RAD51B: variants seen among roughly 807,000 people sequenced by gnomAD.
RAD51B encodes the protein DNA repair protein RAD51 homolog 2.
A neutral mutation model predicts 42.2 loss-of-function variants in RAD51B; 38 were observed. That is an observed-to-expected ratio of 0.90 (90% CI 0.70 to 1.18). The LOEUF is 1.18. RAD51B is among the 50% of genes most tolerant of loss of function. The pLI is 0.00. For synonymous variants in RAD51B, 154 were observed against 145.2 expected (o/e 1.06, Z -0.43); for missense variants, 373 against 400.7 (o/e 0.93, Z 0.59).
chr14:68,673,072 T>G (rs2140156108), intron 11 of RAD51B, among the ~76,000 whole-genome samples: 1 of 152,318 alleles, frequency 6.6e-6, no homozygotes, highest in African/African-American at 2.4e-5. Context: ...TTGGTCAAAC[T>G]TAAACATGCA....
At chr14:68,246,891 G>A (rs1362673915) in intron 7 of RAD51B, among the ~76,000 whole-genome samples, 2 of 152,128 alleles carry the variant, frequency 1.3e-5, no homozygotes, top group Non-Finnish European at 2.9e-5. Context: ...GTTTTAGCCC[G>A]CAGTGGTTTC....
At chr14:68,439,578 G>C (rs142790078) in intron 9 of RAD51B, among the ~76,000 whole-genome samples, 60 of 152,180 alleles carry the variant, frequency 3.9e-4, no homozygotes, top group African/African-American at 1.3e-3. Context: ...CATTGTCCCT[G>C]TTCCCCCAAA....
At chr14:68,130,382 G>GA (rs1367209968) in intron 7 of RAD51B, among the ~76,000 whole-genome samples, 1 of 152,190 alleles carries the variant, frequency 6.6e-6, no homozygotes, top group Non-Finnish European at 1.5e-5. Context: ...ATTGGGTTTT[G>GA]AAACTGATTA....
At chr14:68,476,045 GAAAAA>G (rs35479070) in intron 10 of RAD51B, among the ~76,000 whole-genome samples, 1 of 127,688 alleles carries the variant, frequency 7.8e-6, no homozygotes, top group Non-Finnish European at 1.7e-5. Context: ...ATATAAGGCT[GAAAAA>G]AAAAAAAAAA....
At chr14:68,444,977 G>T (rs1409949737) in intron 9 of RAD51B, among the ~76,000 whole-genome samples, 2 of 152,210 alleles carry the variant, frequency 1.3e-5, no homozygotes, top group African/African-American at 4.8e-5. Flanking sequence ...AGTAGACAAA[G>T]CAGCTGTGTG....
intron 7 of RAD51B, among the ~76,000 whole-genome samples, chr14:67,959,907 C>T (rs1223825540): frequency 6.6e-6 from 1 of 152,046 alleles, no homozygotes; most frequent in East Asian, 1.9e-4. Context: ...TGGTGAAACC[C>T]TGTCTCTACT....
chr14:68,407,068 T>G (rs1485219453), intron 8 of RAD51B, among the ~76,000 whole-genome samples: 2 of 152,190 alleles, frequency 1.3e-5, no homozygotes, highest in Non-Finnish European at 2.9e-5. Context: ...TGTTTTACAG[T>G]TAACTTCTTA....
At chr14:68,177,056 G>GC (rs112039766) in intron 7 of RAD51B, among the ~76,000 whole-genome samples, 5 of 152,260 alleles carry the variant, frequency 3.3e-5, no homozygotes, top group African/African-American at 1.2e-4. Context: ...GAGTGTAACT[G>GC]CCAGAATGGG....
At chr14:68,406,707 T>G (rs1473845986) in intron 8 of RAD51B, among the ~76,000 whole-genome samples, 2 of 152,262 alleles carry the variant, frequency 1.3e-5, no homozygotes, top group African/African-American at 4.8e-5. Context: ...TATCACTTTT[T>G]TACTTCATAA....
intron 8 of RAD51B, among the ~76,000 whole-genome samples, chr14:68,366,031 A>G (rs560442566): frequency 6.6e-6 from 1 of 152,090 alleles, no homozygotes; most frequent in East Asian, 1.9e-4. Context: ...TCGCTTTTTG[A>G]TAAATTAAAA....
intron 4 of RAD51B, among the ~76,000 whole-genome samples, chr14:67,855,942 A>G (rs61088082): frequency 0.014 from 2,157 of 152,338 alleles, 31 homozygotes; most frequent in African/African-American, 0.035. Flanking sequence ...TCTAATACAG[A>G]CATTTAGCAT....
At chr14:68,348,832 G>C (rs2082727177) in intron 8 of RAD51B, among the ~76,000 whole-genome samples, 1 of 152,224 alleles carries the variant, frequency 6.6e-6, no homozygotes, top group Non-Finnish European at 1.5e-5. Flanking sequence ...CCGGGAGGCA[G>C]AGCTTTCAGT....
At chr14:68,425,259 A>G (rs1364508784) in intron 9 of RAD51B, among the ~76,000 whole-genome samples, 1 of 152,140 alleles carries the variant, frequency 6.6e-6, no homozygotes, top group East Asian at 1.9e-4. Flanking sequence ...TCATATCCTA[A>G]TAGTCTAATA....
intron 7 of RAD51B, among the ~76,000 whole-genome samples, chr14:68,224,987 G>A (rs989633829): frequency 4.6e-5 from 7 of 151,694 alleles, no homozygotes; most frequent in South Asian, 2.1e-4. Flanking sequence ...CACTGCGCCC[G>A]GCCCAAAAAG....
At chr14:68,356,507 A>G (rs567108524) in intron 8 of RAD51B, among the ~76,000 whole-genome samples, 3 of 151,042 alleles carry the variant, frequency 2.0e-5, no homozygotes, top group Non-Finnish European at 4.4e-5. Context: ...ATATTTTTTA[A>G]AAACAATATA....
intron 7 of RAD51B, among the ~76,000 whole-genome samples, chr14:68,234,756 G>A (rs2080213256): frequency 6.6e-6 from 1 of 152,142 alleles, no homozygotes; most frequent in Non-Finnish European, 1.5e-5. Flanking sequence ...GTAAGTAAAT[G>A]TAAAGGCTTA....
chr14:68,357,560 T>A (rs2082934306), intron 8 of RAD51B, among the ~76,000 whole-genome samples: 1 of 152,098 alleles, frequency 6.6e-6, no homozygotes, highest in Admixed American at 6.6e-5. Flanking sequence ...AATCACTATC[T>A]ATGGCAGCTA....
intron 7 of RAD51B, among the ~76,000 whole-genome samples, chr14:67,961,520 A>T (rs1028459639): frequency 6.6e-6 from 1 of 152,198 alleles, no homozygotes; most frequent in Non-Finnish European, 1.5e-5. Context: ...AACACCATAC[A>T]CATAGCTTGA....
At chr14:68,072,525 C>T (rs1010735636) in intron 7 of RAD51B, among the ~76,000 whole-genome samples, 8 of 152,092 alleles carry the variant, frequency 5.3e-5, no homozygotes, top group African/African-American at 1.9e-4. Context: ...TTAAATGGTG[C>T]CCATGCGATT....
Sources: gnomAD v4.1 joint callset for allele counts (sites outside exome capture counted in the v4.1 genomes callset) on GRCh38, gnomAD v4.1.1 for gene constraint, MANE v1.5 for transcripts, NCBI Gene and HGNC (gene_info 2026-07-23, HGNC 2026-07-21) for gene names.